Variants in SCAPER observed in about 807,000 individuals in gnomAD.
SCAPER encodes S-phase cyclin A associated protein in the ER.
SCAPER carries 98 observed loss-of-function variants against 182.2 expected under a neutral mutation model. That is an observed-to-expected ratio of 0.54 (90% CI 0.46 to 0.64). SCAPER has a LOEUF of 0.64. Among genes scored for constraint, SCAPER ranks in the 30% least tolerant of loss-of-function variants. The pLI, the probability that SCAPER is intolerant of heterozygous loss-of-function variation, is 0.00. For synonymous variants in SCAPER, 605 were observed against 564.6 expected (o/e 1.07, Z -1.01); for missense variants, 1,432 against 1,690.0 (o/e 0.85, Z 2.68).
intron 14 of SCAPER, among the ~76,000 whole-genome samples, chr15:76,762,248 A>G (rs1276515202): frequency 2.0e-5 from 3 of 152,082 alleles, no homozygotes; most frequent in African/African-American, 7.2e-5. Flanking sequence ...TTTACACTTG[A>G]AGTAATATTA....
At chr15:76,434,361 T>C in intron 25 of SCAPER, 51 bp from the exon 26 acceptor site, 1 of 1,288,890 alleles carries the variant, frequency 7.8e-7, no homozygotes, top group Non-Finnish European at 1.1e-6. Flanking sequence ...CCACCAAAAA[T>C]GGGCAGAGAC....
At chr15:76,697,517 C>T (rs993267377) in intron 20 of SCAPER, among the ~76,000 whole-genome samples, 5 of 152,178 alleles carry the variant, frequency 3.3e-5, no homozygotes, top group African/African-American at 1.2e-4. Flanking sequence ...AACCTTTTCT[C>T]ACTGAAATAA....
Position 76,348,649 on chromosome 15 carries a change from T to C in SCAPER, c.4187A>G (p.Lys1396Arg). The C allele has an allele frequency of 1.9e-6, 3 of 1,548,284 alleles. No individual in the cohort carries two copies. The highest frequency in any genetic ancestry group is 2.6e-6 in the Non-Finnish European group (3 of 1,145,578). Reference sequence around the variant, plus strand: ...CCAAAACATTTATTTTTTCTCTTTTTTCAAGAAAAACTGTCGAGCTTCTTC... The same window carrying C: ...CCAAAACATTTATTTTTTCTCTTTTCTCAAGAAAAACTGTCGAGCTTCTTC... ...AWEEARQFFL[K>R]KEKK The change falls in exon 32 of 32, where the codon AAA (lysine) becomes AGA (arginine). Residue 1396 changes from lysine to arginine, a missense_variant. By Grantham distance (26) the Lys-to-Arg change is conservative. This residue lies in a region of SCAPER where 718 missense variants were observed against 799.7 expected (regional missense o/e 0.90). Coordinates refer to ENST00000563290, the MANE Select transcript of SCAPER (RefSeq NM_020843.4).
chr15:76,434,327 T>A lies in SCAPER; in HGVS notation c.3079-17A>T. 2 of 1,552,534 alleles carry A rather than the reference T, an allele frequency of 1.3e-6. No homozygotes were observed. The highest frequency in any genetic ancestry group is 1.8e-6 in the Non-Finnish European group (2 of 1,133,540). ...AACATAAACCTAGATGAAAAAAAAG[T>A]ACAGTAAATATGTTTCAATAAAACC... On this transcript the variant is annotated splice_polypyrimidine_tract_variant and intron_variant, in intron 25 of 31. Transcript: ENST00000563290.
intron 21 of SCAPER, among the ~76,000 whole-genome samples, chr15:76,652,492 A>AAT (rs546598892): frequency 0.01 from 955 of 95,106 alleles, 8 homozygotes; most frequent in African/African-American, 0.033. Flanking sequence ...GTCTTTGCTA[A>AAT]ATATATATAT....
At chr15:76,734,031 T>C (rs2061085494) in intron 15 of SCAPER, among the ~76,000 whole-genome samples, 1 of 152,178 alleles carries the variant, frequency 6.6e-6, no homozygotes, top group Admixed American at 6.5e-5. Context: ...AACAGTGTAA[T>C]TTGCAACTAT....
At chr15:76,762,138 T>C (rs540281376) in intron 14 of SCAPER, among the ~76,000 whole-genome samples, 1 of 152,304 alleles carries the variant, frequency 6.6e-6, no homozygotes, top group South Asian at 2.1e-4. Flanking sequence ...AGATATTCCT[T>C]CGTGTTCAGC....
intron 25 of SCAPER, among the ~76,000 whole-genome samples, chr15:76,464,949 A>C (rs1567194114): frequency 6.6e-6 from 1 of 152,024 alleles, no homozygotes; most frequent in Non-Finnish European, 1.5e-5. Flanking sequence ...GTGATATCTC[A>C]TTGTGGTTTT....
chr15:76,666,190 C>G (rs1462831445), intron 20 of SCAPER, among the ~76,000 whole-genome samples: 1 of 152,120 alleles, frequency 6.6e-6, no homozygotes. Flanking sequence ...GAGGGGGAAA[C>G]TTCAGCAAGG....
At chr15:76,826,908 T>C (rs2068064299) in intron 5 of SCAPER, among the ~76,000 whole-genome samples, 1 of 152,208 alleles carries the variant, frequency 6.6e-6, no homozygotes, top group Non-Finnish European at 1.5e-5. Flanking sequence ...ATAAAATGGC[T>C]AGATTATATG....
intron 25 of SCAPER, among the ~76,000 whole-genome samples, chr15:76,460,563 A>T (rs2049089547): frequency 6.6e-6 from 1 of 152,130 alleles, no homozygotes; most frequent in South Asian, 2.1e-4. Flanking sequence ...CTTTCACTAA[A>T]ATTGGAAAAT....
intron 20 of SCAPER, among the ~76,000 whole-genome samples, chr15:76,696,416 A>C (rs2058658470): frequency 6.6e-6 from 1 of 152,252 alleles, no homozygotes; most frequent in Non-Finnish European, 1.5e-5. Context: ...AATAAATTAC[A>C]GTTAATTTAA....
intron 26 of SCAPER, among the ~76,000 whole-genome samples, chr15:76,405,118 T>C (rs905138963): frequency 1.4e-5 from 2 of 147,304 alleles, no homozygotes; most frequent in African/African-American, 5.1e-5. Flanking sequence ...ACTTTTTTTT[T>C]TTTTTTTTTT....
At chr15:76,564,810 AC>A (rs1434122213) in intron 23 of SCAPER, among the ~76,000 whole-genome samples, 4 of 152,182 alleles carry the variant, frequency 2.6e-5, no homozygotes, top group Non-Finnish European at 5.9e-5. Flanking sequence ...TGGTACTGGT[AC>A]GAAAACAGAC....
chr15:76,647,575 T>C (rs1263932773), intron 21 of SCAPER, among the ~76,000 whole-genome samples: 2 of 152,180 alleles, frequency 1.3e-5, no homozygotes, highest in Non-Finnish European at 2.9e-5. Flanking sequence ...AAGTTGGAAT[T>C]TGTGGGGCAG....
intron 5 of SCAPER, among the ~76,000 whole-genome samples, chr15:76,807,745 T>C (rs2066281994): frequency 7.0e-6 from 1 of 142,470 alleles, no homozygotes; most frequent in Admixed American, 7.8e-5. Context: ...TTAACTTCAA[T>C]GTTTAGAAGA....
intron 8 of SCAPER, 61 bp downstream of exon 8, chr15:76,795,219 A>T (rs150558766): frequency 7.0e-7 from 1 of 1,430,018 alleles, no homozygotes; most frequent in Non-Finnish European, 9.5e-7. Context: ...TTTAAACAAA[A>T]TAAGTATCTC....
chr15:76,726,447 G>C (rs1478847372), intron 17 of SCAPER, among the ~76,000 whole-genome samples: 1 of 151,370 alleles, frequency 6.6e-6, no homozygotes, highest in Non-Finnish European at 1.5e-5. Context: ...AAAAACAGTA[G>C]GGTTCTCTTC....
intron 22 of SCAPER, among the ~76,000 whole-genome samples, chr15:76,611,625 AAAG>A (rs1485717666): frequency 6.6e-6 from 1 of 152,198 alleles, no homozygotes; most frequent in African/African-American, 2.4e-5. Flanking sequence ...TACAACAAAA[AAAG>A]AAAGCTTCAG....
Sources: gnomAD v4.1 joint callset for allele counts (sites outside exome capture counted in the v4.1 genomes callset) on GRCh38, gnomAD v4.1.1 for gene constraint, gnomAD v4.1.1 regional missense constraint, MANE v1.5 for transcripts, NCBI Gene and HGNC (gene_info 2026-07-23, HGNC 2026-07-21) for gene names.